Variants in GBE1 observed in about 807,000 individuals in gnomAD.
GBE1 encodes 1,4-alpha-glucan-branching enzyme.
A neutral mutation model predicts 88.8 loss-of-function variants in GBE1; 70 were observed. That is an observed-to-expected ratio of 0.79 (90% CI 0.65 to 0.96). The LOEUF (loss-of-function observed/expected upper bound fraction) is 0.96, where lower values mean the gene tolerates loss of function less well. GBE1 is among the 40% of genes least tolerant of loss of function. GBE1 has a pLI of 0.00. For synonymous variants in GBE1, 284 were observed against 300.1 expected (o/e 0.95, Z 0.56); for missense variants, 872 against 871.0 (o/e 1.00, Z -0.01).
chr3:81,502,093 T>C (rs2106814866), intron 14 of GBE1, among the ~76,000 whole-genome samples: 1 of 152,104 alleles, frequency 6.6e-6, no homozygotes, highest in South Asian at 2.1e-4. Context: ...TTTTCAATGT[T>C]ATAGTAAAAT....
At chr3:81,580,993 T>C (rs539514801) in intron 11 of GBE1, among the ~76,000 whole-genome samples, 172 bp downstream of exon 11, 11 of 152,116 alleles carry the variant, frequency 7.2e-5, no homozygotes, top group Admixed American at 2.0e-4. Context: ...TTTTCCAATA[T>C]ACGTAGTTTT....
intron 14 of GBE1, among the ~76,000 whole-genome samples, chr3:81,517,324 A>G (rs1234098824): frequency 1.3e-5 from 2 of 151,546 alleles, no homozygotes; most frequent in African/African-American, 4.8e-5. Context: ...TTTTTAAATT[A>G]TGGCATGTAC....
chr3:81,593,907 C>G lies in GBE1; in HGVS notation c.1108+1G>C. On this transcript the variant is annotated splice_donor_variant, in intron 8 of 15. Transcript: ENST00000429644. LOFTEE classifies it high-confidence loss of function. ...AAACCTGATTATATCAGGTTACCTA[C>G]CCACTCCATGGTGATGATAAAGCAT... 1 of 1,494,894 alleles carries G rather than the reference C, an allele frequency of 6.7e-7. No homozygotes were observed. 92.6% of individuals were successfully genotyped at this position (1,494,894 alleles called of 1,614,324 possible).
chr3:81,576,754 A>ATGTCAACAAATTTCAGTGACCCC (rs375351900), intron 12 of GBE1, among the ~76,000 whole-genome samples: 2 of 152,042 alleles, frequency 1.3e-5, no homozygotes, highest in African/African-American at 4.8e-5. Context: ...AAGGCTAGGG[A>ATGTCAACAAATTTCAGTGACCCC]TGTCAACAAA....
intron 2 of GBE1, among the ~76,000 whole-genome samples, chr3:81,695,979 G>T (rs1216040861): frequency 6.6e-6 from 1 of 152,148 alleles, no homozygotes; most frequent in Admixed American, 6.5e-5. Flanking sequence ...TACTTTCATA[G>T]TTTTACATGA....
intron 7 of GBE1, among the ~76,000 whole-genome samples, chr3:81,633,703 T>C (rs905543222): frequency 2.0e-5 from 3 of 152,196 alleles, no homozygotes; most frequent in Non-Finnish European, 4.4e-5. Context: ...AAAATTACCA[T>C]TGCTAATACA....
chr3:81,666,900 G>A (rs1705120573), intron 3 of GBE1, among the ~76,000 whole-genome samples: 1 of 152,148 alleles, frequency 6.6e-6, no homozygotes, highest in Admixed American at 6.5e-5. Flanking sequence ...TAAAATGAAA[G>A]CTGTTCCAGC....
At chr3:81,686,695 T>C (rs1705446923) in intron 2 of GBE1, among the ~76,000 whole-genome samples, 3 of 151,978 alleles carry the variant, frequency 2.0e-5, no homozygotes, top group Non-Finnish European at 2.9e-5. Flanking sequence ...GCAGAGGTTG[T>C]GGTGAGCTGA....
intron 7 of GBE1, among the ~76,000 whole-genome samples, chr3:81,629,735 C>CT (rs1704478441): frequency 6.6e-6 from 1 of 151,900 alleles, no homozygotes; most frequent in Non-Finnish European, 1.5e-5. Context: ...TATTATTATA[C>CT]TTTAAGTTTT....
At chr3:81,557,297 CAT>C (rs1703361172) in intron 12 of GBE1, among the ~76,000 whole-genome samples, 1 of 152,016 alleles carries the variant, frequency 6.6e-6, no homozygotes, top group Non-Finnish European at 1.5e-5. Context: ...ATGCAACAGA[CAT>C]ATAAAATTAT....
At chr3:81,646,774 T>C (rs1704769971) in intron 5 of GBE1, among the ~76,000 whole-genome samples, 1 of 152,072 alleles carries the variant, frequency 6.6e-6, no homozygotes, top group Non-Finnish European at 1.5e-5. Context: ...AACGGCAATC[T>C]CCATATGCTA....
At chr3:81,678,402 A>T (rs1705292351) in intron 2 of GBE1, among the ~76,000 whole-genome samples, 1 of 152,174 alleles carries the variant, frequency 6.6e-6, no homozygotes, top group South Asian at 2.1e-4. Context: ...ATGGGAGAAA[A>T]TAGTTTTATT....
intron 8 of GBE1, among the ~76,000 whole-genome samples, chr3:81,593,370 C>T (rs558421733): frequency 1.4e-5 from 2 of 144,094 alleles, no homozygotes; most frequent in Admixed American, 7.0e-5. Context: ...GTCTCAAGAA[C>T]AATAATAATA....
chr3:81,612,555 T>A, intron 7 of GBE1: 1 of 775,720 alleles, frequency 1.3e-6, no homozygotes, highest in Non-Finnish European at 2.2e-6. Flanking sequence ...GGTGGATGGT[T>A]GAGAAATGTT....
intron 14 of GBE1, chr3:81,509,654 G>T (rs1420546054): frequency 6.6e-6 from 1 of 151,538 alleles, no homozygotes; most frequent in African/African-American, 2.4e-5. Context: ...TTCCTTTGCA[G>T]TCTCCTCCTT....
intron 3 of GBE1, among the ~76,000 whole-genome samples, chr3:81,655,250 T>C (rs945324614): frequency 1.3e-5 from 2 of 152,070 alleles, no homozygotes; most frequent in African/African-American, 4.8e-5. Context: ...TTCACCATGT[T>C]GGCCAGGCTT....
At chr3:81,566,822 C>T (rs1377345861) in intron 12 of GBE1, among the ~76,000 whole-genome samples, 5 of 152,194 alleles carry the variant, frequency 3.3e-5, no homozygotes, top group Admixed American at 2.0e-4. Flanking sequence ...TAAACATTTA[C>T]CTTTCCACTT....
At chr3:81,570,948 G>C (rs1202450414) in intron 12 of GBE1, among the ~76,000 whole-genome samples, 1 of 152,112 alleles carries the variant, frequency 6.6e-6, no homozygotes, top group Non-Finnish European at 1.5e-5. Context: ...CTATATAAAA[G>C]ATAATGATAA....
rs527280929 is a variant in GBE1, at chr3:81,748,683, C to T, written c.143+12692G>A. Reference sequence around the variant, plus strand: ...TGGCAAGGATGCAGATCAACTGCATCCAGTGGAATGCAAACTTGTACAGAT... The same window carrying T: ...TGGCAAGGATGCAGATCAACTGCATTCAGTGGAATGCAAACTTGTACAGAT... On this transcript the variant is annotated intron_variant, in intron 1 of 15. Transcript: ENST00000429644. Among the ~76,000 whole-genome samples the T allele has an allele frequency of 8.6e-5, 13 of 151,856 alleles. 1 individual carries two copies. The South Asian group carries it at 2.7e-3, about 32-fold the overall frequency.
Sources: gnomAD v4.1 joint callset for allele counts (sites outside exome capture counted in the v4.1 genomes callset) on GRCh38, gnomAD v4.1.1 for gene constraint, MANE v1.5 for transcripts, NCBI Gene and HGNC (gene_info 2026-07-23, HGNC 2026-07-21) for gene names.